Variants in EPS15L1 observed in about 807,000 individuals in gnomAD.
EPS15L1 encodes epidermal growth factor receptor substrate 15-like 1.
In EPS15L1, 43 loss-of-function variants were observed where a neutral mutation model predicts 117.1. The ratio of observed to expected loss-of-function variants is 0.37; its 90% CI spans 0.29 to 0.47. The LOEUF is 0.47. Ranked by LOEUF, EPS15L1 falls within the 20% of genes least tolerant of loss-of-function variation. EPS15L1 has a pLI of 0.99. For missense variants in EPS15L1, 981 were observed against 1,164.0 expected, an observed-to-expected ratio of 0.84 and a Z score of 2.29; for synonymous variants, 459 against 470.5, an observed-to-expected ratio of 0.98 and a Z score of 0.32.
chr19:16,451,452 T>C (rs1435478676), intron 1 of EPS15L1, among the ~76,000 whole-genome samples: 1 of 152,134 alleles, frequency 6.6e-6, no homozygotes, highest in Non-Finnish European at 1.5e-5. Flanking sequence ...GATAAGGCAT[T>C]GTGGTTATGT....
intron 1 of EPS15L1, among the ~76,000 whole-genome samples, chr19:16,448,423 G>A (rs1290648964): frequency 6.6e-6 from 1 of 151,736 alleles, no homozygotes; most frequent in East Asian, 1.9e-4. Flanking sequence ...CCAGCTACTC[G>A]GGAGGCTGAG....
At chr19:16,360,884 G>A (rs1026976193) in intron 23 of EPS15L1, among the ~76,000 whole-genome samples, 2 of 152,100 alleles carry the variant, frequency 1.3e-5, no homozygotes, top group Non-Finnish European at 2.9e-5. Flanking sequence ...CCCAGGAGTC[G>A]AAGCATCTAT....
intron 13 of EPS15L1, chr19:16,412,534 G>C (rs938966859): frequency 6.6e-6 from 1 of 152,022 alleles, no homozygotes; most frequent in African/African-American, 2.4e-5. Context: ...ACTCTCGCCA[G>C]GCTTGGTGGC....
At position 16,417,928 on chromosome 19, in the gene EPS15L1, G is replaced by C; in HGVS notation, c.1107+20C>G. ...GGGAAGGGATGTCAATACCCCCAGG[G>C]CATGACCAGCACCACTCACCGGGCC... is the stretch of plus-strand genomic sequence containing the variant. On this transcript the variant is annotated intron_variant, in intron 11 of 23. Coordinates refer to ENST00000455140, the MANE Select transcript of EPS15L1 (RefSeq NM_001258374.3). 4 of 1,607,580 alleles carry C rather than the reference G, an allele frequency of 2.5e-6. No homozygotes were observed. The highest frequency in any genetic ancestry group is 2.5e-6 in the Non-Finnish European group (3 of 1,177,030).
chr19:16,418,140 A>C, intron 10 of EPS15L1, 36 bp from the exon 11 acceptor site: 1 of 1,584,954 alleles, frequency 6.3e-7, no homozygotes, highest in Non-Finnish European at 8.6e-7. Context: ...TACACATCAC[A>C]GGCGCCGACT....
In EPS15L1 at chr19:16,417,604, T is replaced by TAAA; in HGVS notation, c.1138_1140dup (p.Phe380dup). On this transcript the variant is annotated inframe_insertion, in exon 12 of 24. Transcript: ENST00000455140. ...ATGTCATCAAGCTCCTTCACGCCAG[T>TAAA]AAACTCCCCGGAGCCGAGAGAGCCT... 2.5e-6 allele frequency: 4 copies of TAAA among 1,614,136 alleles called. No homozygotes were observed. Among genetic ancestry groups the TAAA allele is most frequent in the Non-Finnish European group, 3.4e-6 (4 of 1,180,014 alleles).
chr19:16,413,740 A>C (rs1200956646), intron 13 of EPS15L1, 33 bp downstream of exon 13: 1 of 1,575,070 alleles, frequency 6.3e-7, no homozygotes, highest in East Asian at 2.2e-5. Flanking sequence ...TTTAGCACAA[A>C]GTAGATGTAA....
chr19:16,442,106 C>T (rs1331114821), intron 2 of EPS15L1, 72 bp downstream of exon 2: 3 of 1,518,254 alleles, frequency 2.0e-6, no homozygotes, highest in Middle Eastern at 1.7e-4. Context: ...CTCAGCCGGG[C>T]TTCTATTCTG....
At chr19:16,406,045 AG>A (rs970805286) in intron 13 of EPS15L1, among the ~76,000 whole-genome samples, 1 of 137,324 alleles carries the variant, frequency 7.3e-6, no homozygotes, top group Admixed American at 7.2e-5. Context: ...AATGGAGAGG[AG>A]GGGTGGGTTT....
intron 4 of EPS15L1, among the ~76,000 whole-genome samples, chr19:16,439,924 A>ATTT (rs201668616): frequency 7.5e-6 from 1 of 133,180 alleles, no homozygotes; most frequent in Non-Finnish European, 1.6e-5. Flanking sequence ...CAGATTTCAG[A>ATTT]TTTTTTTTTT....
At chr19:16,384,769 C>T (rs1194400444) in intron 21 of EPS15L1, among the ~76,000 whole-genome samples, 1 of 152,240 alleles carries the variant, frequency 6.6e-6, no homozygotes, top group Admixed American at 6.5e-5. Flanking sequence ...TTTCCCTGGA[C>T]GCCTCGCACC....
rs2092306897 is a variant in EPS15L1, at chr19:16,377,144, A to G, written c.2358T>C (p.Pro786=). ...GACCGCTGGGCGGTTTAGGCCGTGG[A>G]GGAGCAGGTTTCTTCGGAGGCAGAG... The part of the protein sequence containing the change: ...TPALPPKKPA[P]PRPKPPSGKS... The change falls in exon 22 of 24, where the codon CCT becomes CCC. Residue 786 remains proline, a synonymous_variant. Transcript: ENST00000455140. 6.2e-7 allele frequency: 1 copy of G among 1,608,520 alleles called. No homozygotes were observed. Among genetic ancestry groups the G allele is most frequent in the African/African-American group, 1.3e-5 (1 of 74,526 alleles).
rs1432058021 is a variant in EPS15L1, at chr19:16,355,780, C to A, written c.2658G>T (p.Ala886=). ...ESEKAEQERL[A]RLRRQEQEDL... ...CCTCCTGCTCCTGCCGCCGCAGCCG[C>A]GCCAGCCTCTCCTGTTCCGCCTTCT... Residue 886 remains alanine (A), a synonymous_variant, in exon 24 of 24, where the codon GCG becomes GCT. Transcript: ENST00000455140. 1 of 1,536,112 alleles carries A rather than the reference C, an allele frequency of 6.5e-7. No homozygotes were observed. The highest frequency in any genetic ancestry group is 1.2e-5 in the South Asian group (1 of 84,062).
At chr19:16,431,827 A>G (rs2092931148) in intron 7 of EPS15L1, among the ~76,000 whole-genome samples, 1 of 152,240 alleles carries the variant, frequency 6.6e-6, no homozygotes, top group African/African-American at 2.4e-5. Flanking sequence ...ACTATTATGT[A>G]TCATCAAAAA....
chr19:16,428,298 G>A (rs2092893364), intron 8 of EPS15L1, among the ~76,000 whole-genome samples: 1 of 151,950 alleles, frequency 6.6e-6, no homozygotes, highest in South Asian at 2.1e-4. Context: ...GGATCACAAG[G>A]CAGGAGATGG....
chr19:16,428,061 C>T (rs557190473), intron 8 of EPS15L1, among the ~76,000 whole-genome samples: 4 of 144,700 alleles, frequency 2.8e-5, no homozygotes, highest in South Asian at 2.2e-4. Context: ...ATGAGGTGGG[C>T]ATAGTGGCAG....
Position 16,428,600 on chromosome 19 carries a change from AAAAAG to A in EPS15L1, c.558+97_558+101del, listed in dbSNP as rs879758847. On this transcript the variant is annotated intron_variant, in intron 8 of 23. Coordinates refer to ENST00000455140, the MANE Select transcript of EPS15L1 (RefSeq NM_001258374.3). ...AAGGAAAAGAAAAGAAAAGAAAAGAAAAAAGAAAAGAAAAAAGAGAGAAAGACAAA... is the reference window on the plus strand; with the variant it reads ...AAGGAAAAGAAAAGAAAAGAAAAGAAAAAAGAAAAAAGAGAGAAAGACAAA... 5.7e-5 allele frequency: 43 copies of A among 751,056 alleles called. No individual in the cohort carries two copies. In the African/African-American group the frequency reaches 6.3e-4, roughly 11 times the overall value. 46.5% of individuals were successfully genotyped at this position (751,056 alleles called of 1,614,324 possible). A position where few individuals can be genotyped will look rare whatever the true frequency, so the allele number is the denominator to read the frequency against.
intron 21 of EPS15L1, among the ~76,000 whole-genome samples, chr19:16,378,094 T>C (rs2144706126): frequency 6.6e-6 from 1 of 152,102 alleles, no homozygotes; most frequent in African/African-American, 2.4e-5. Flanking sequence ...TGTGGATTAA[T>C]GGACGAATGA....
intron 4 of EPS15L1, 124 bp downstream of exon 4, chr19:16,440,738 T>C (rs1401790866): frequency 1.3e-6 from 1 of 785,942 alleles, no homozygotes; most frequent in African/African-American, 1.7e-5. Flanking sequence ...CGTGTTAAGT[T>C]TGACAGCCGT....
Sources: gnomAD v4.1 joint callset for allele counts (sites outside exome capture counted in the v4.1 genomes callset) on GRCh38, gnomAD v4.1.1 for gene constraint, MANE v1.5 for transcripts, NCBI Gene and HGNC (gene_info 2026-07-23, HGNC 2026-07-21) for gene names.